The following ANTXR1 variants were observed in gnomAD, a reference collection of about 807,000 sequenced individuals.
ANTXR1 encodes anthrax toxin receptor 1.
ANTXR1 carries 19 observed loss-of-function variants against 78.1 expected under a neutral mutation model. The ratio of observed to expected loss-of-function variants is 0.24; its 90% CI spans 0.17 to 0.36. The LOEUF (loss-of-function observed/expected upper bound fraction) is 0.36, where lower values mean the gene tolerates loss of function less well. Among genes scored for constraint, ANTXR1 ranks in the 10% least tolerant of loss-of-function variants. The pLI, the probability that ANTXR1 is intolerant of heterozygous loss-of-function variation, is 1.00. For synonymous variants in ANTXR1, 273 were observed against 260.5 expected, an observed-to-expected ratio of 1.05 and a Z score of -0.46; for missense variants, 518 against 718.6, an observed-to-expected ratio of 0.72 and a Z score of 3.19.
intron 12 of ANTXR1, among the ~76,000 whole-genome samples, chr2:69,131,703 A>G (rs1159520054): frequency 6.6e-6 from 1 of 152,206 alleles, no homozygotes; most frequent in African/African-American, 2.4e-5. Flanking sequence ...ATCAAGGGTC[A>G]TACTGGTACC....
chr2:69,079,871 G>A (rs1670849155), intron 8 of ANTXR1, among the ~76,000 whole-genome samples: 1 of 152,066 alleles, frequency 6.6e-6, no homozygotes, highest in Non-Finnish European at 1.5e-5. Context: ...ATAGATGATT[G>A]GACTCTTTTT....
chr2:69,131,699 G>A (rs576126201), intron 12 of ANTXR1, among the ~76,000 whole-genome samples: 35 of 152,194 alleles, frequency 2.3e-4, no homozygotes, highest in Middle Eastern at 3.4e-3. Flanking sequence ...CCCAATCAAG[G>A]GTCATACTGG....
In ANTXR1 at chr2:69,053,045, T is replaced by C. The variant is rs76545756; in HGVS notation, c.296+8232T>C. On this transcript the variant is annotated intron_variant, in intron 3 of 17. Transcript: ENST00000303714. ...AGAATGTCTTCAACATAAATATAAA[T>C]TAGAATTGGTTATATGTGCTCCCTT... 6.4e-3 allele frequency among the ~76,000 whole-genome samples: 977 copies of C among 152,304 alleles called. 12 individuals are homozygous for C. The highest frequency in any genetic ancestry group is 0.023 in the African/African-American group (953 of 41,572).
intron 2 of ANTXR1, among the ~76,000 whole-genome samples, chr2:69,044,492 C>T (rs1388394922): frequency 6.6e-6 from 1 of 152,146 alleles, no homozygotes; most frequent in Non-Finnish European, 1.5e-5. Flanking sequence ...TCGTAATCCA[C>T]ACTCACTAAG....
intron 3 of ANTXR1, among the ~76,000 whole-genome samples, chr2:69,056,451 G>A (rs1288318329): frequency 6.6e-6 from 1 of 151,356 alleles, no homozygotes; most frequent in African/African-American, 2.4e-5. Context: ...AATATTTGAG[G>A]TATAACAAAA....
chr2:69,172,184 A>G (rs1027997411), intron 14 of ANTXR1, among the ~76,000 whole-genome samples: 32 of 152,186 alleles, frequency 2.1e-4, no homozygotes, highest in African/African-American at 7.7e-4. Flanking sequence ...CTCTGACTTA[A>G]TCAATTAAAT....
At chr2:69,015,330 C>T (rs1437126258) in intron 1 of ANTXR1, among the ~76,000 whole-genome samples, 5 of 148,194 alleles carry the variant, frequency 3.4e-5, no homozygotes, top group African/African-American at 9.9e-5. Flanking sequence ...AATAATGAAG[C>T]CATATTCTCT....
chr2:69,077,047 G>A (rs1175754964), intron 7 of ANTXR1, among the ~76,000 whole-genome samples: 1 of 152,246 alleles, frequency 6.6e-6, no homozygotes, highest in African/African-American at 2.4e-5. Flanking sequence ...AGATAAAGTT[G>A]CCAACAGGAA....
intron 16 of ANTXR1, among the ~76,000 whole-genome samples, chr2:69,188,167 G>A (rs926775448): frequency 2.6e-5 from 4 of 152,154 alleles, no homozygotes; most frequent in East Asian, 3.9e-4. Context: ...TAGTGCAGTG[G>A]TGCGATCATA....
intron 2 of ANTXR1, among the ~76,000 whole-genome samples, chr2:69,042,078 A>T (rs1329406826): frequency 6.6e-6 from 1 of 152,200 alleles, no homozygotes; most frequent in African/African-American, 2.4e-5. Context: ...ATTCATTTTA[A>T]TAAAAAGTCT....
At chr2:69,128,335 A>C (rs1672615952) in intron 12 of ANTXR1, among the ~76,000 whole-genome samples, 1 of 152,220 alleles carries the variant, frequency 6.6e-6, no homozygotes, top group African/African-American at 2.4e-5. Context: ...ATGAAATAAT[A>C]TTTGTAAAGT....
At chr2:69,065,711 A>G (rs1207713242) in intron 3 of ANTXR1, among the ~76,000 whole-genome samples, 2 of 152,188 alleles carry the variant, frequency 1.3e-5, no homozygotes, top group East Asian at 3.8e-4. Context: ...GCTTAGGTAA[A>G]AGTCCCAAAG....
intron 1 of ANTXR1, among the ~76,000 whole-genome samples, chr2:69,025,961 C>T (rs988278477): frequency 1.3e-5 from 2 of 152,206 alleles, no homozygotes; most frequent in Non-Finnish European, 2.9e-5. Flanking sequence ...GGTAAAGCAA[C>T]TTGCACACTT....
intron 8 of ANTXR1, among the ~76,000 whole-genome samples, chr2:69,089,653 G>A (rs1325875715): frequency 6.6e-6 from 1 of 152,180 alleles, no homozygotes; most frequent in Non-Finnish European, 1.5e-5. Context: ...AGAAGCATAT[G>A]TAAAGAAATA....
In ANTXR1 at chr2:69,116,211, A is replaced by G. The variant is rs181431306; in HGVS notation, c.803-6806A>G. 1.8e-4 allele frequency among the ~76,000 whole-genome samples: 28 copies of G among 152,282 alleles called. No homozygotes were observed. In the East Asian group the frequency reaches 5.0e-3, roughly 27 times the overall value. On this transcript the variant is annotated intron_variant, in intron 10 of 17. Coordinates refer to ENST00000303714, the MANE Select transcript of ANTXR1 (RefSeq NM_032208.3). ...AGTACATTCCTTTCTACTCTCAGCA[A>G]TGGCTCCCATTTTGCTTTGTAATAA...
chr2:69,123,495 T>C (rs922622091), intron 11 of ANTXR1, among the ~76,000 whole-genome samples: 2 of 152,146 alleles, frequency 1.3e-5, no homozygotes, highest in African/African-American at 4.8e-5. Flanking sequence ...GCTAGATAAT[T>C]GTTATCTCCT....
intron 3 of ANTXR1, among the ~76,000 whole-genome samples, chr2:69,047,155 G>A (rs1245740216): frequency 6.6e-6 from 1 of 152,164 alleles, no homozygotes; most frequent in Admixed American, 6.6e-5. Flanking sequence ...GGACTTGAGT[G>A]CATGGATTTG....
Position 69,044,818 on chromosome 2 carries a change from G to T in ANTXR1, c.296+5G>T. On this transcript the variant is annotated splice_donor_5th_base_variant and intron_variant, in intron 3 of 17. Transcript: ENST00000303714. ...AATGAAACTGACAGAAGACAGGTAAGGATACTTCTTATCTCTGTTGTTAAA... is the reference window on the plus strand; with the variant it reads ...AATGAAACTGACAGAAGACAGGTAATGATACTTCTTATCTCTGTTGTTAAA... The T allele has an allele frequency of 6.2e-7, 1 of 1,613,538 alleles. No individual in the cohort carries two copies. The highest frequency in any genetic ancestry group is 1.1e-5 in the South Asian group (1 of 91,082).
intron 17 of ANTXR1, among the ~76,000 whole-genome samples, chr2:69,207,064 G>A (rs2104493283): frequency 6.6e-6 from 1 of 152,286 alleles, no homozygotes; most frequent in South Asian, 2.1e-4. Context: ...CGCCAATGCT[G>A]TAATGAATGT....
Sources: gnomAD v4.1 joint callset for allele counts (sites outside exome capture counted in the v4.1 genomes callset) on GRCh38, gnomAD v4.1.1 for gene constraint, MANE v1.5 for transcripts, NCBI Gene and HGNC (gene_info 2026-07-23, HGNC 2026-07-21) for gene names.